Variants in BOLA3 observed in about 807,000 individuals in gnomAD.
The protein encoded by BOLA3 is bolA-like protein 3.
BOLA3 carries 8 observed loss-of-function variants against 14.5 expected under a neutral mutation model. The observed-to-expected ratio is 0.55, with a 90% CI of 0.32 to 0.99. BOLA3 has a LOEUF of 0.99. Among genes scored for constraint, BOLA3 ranks in the 50% least tolerant of loss-of-function variants. The probability of loss-of-function intolerance (pLI) is 0.04; values close to 1 mark genes in which losing one functional copy is unlikely to be tolerated. For synonymous variants in BOLA3, 42 were observed against 45.7 expected (o/e 0.92, Z 0.33); for missense variants, 115 against 138.2 (o/e 0.83, Z 0.84).
At chr2:74,142,190 C>T (rs779678474) in intron 3 of BOLA3, 82 bp downstream of exon 3, 47 of 1,026,338 alleles carry the variant, frequency 4.6e-5, no homozygotes, top group South Asian at 1.6e-4. Flanking sequence ...CTGCAACTGA[C>T]GGCAAAAACC....
At chr2:74,137,246 C>T (rs1692351967) in intron 3 of BOLA3, among the ~76,000 whole-genome samples, 1 of 152,190 alleles carries the variant, frequency 6.6e-6, no homozygotes, top group Non-Finnish European at 1.5e-5. Flanking sequence ...TTAGAATCTC[C>T]CTTGGGATTT....
intron 1 of BOLA3, chr2:74,145,624 A>AT (rs1692529383): frequency 2.7e-6 from 1 of 377,072 alleles, no homozygotes; most frequent in Non-Finnish European, 5.1e-6. Context: ...CGATAGTTTT[A>AT]TAGGTAAGGA....
In BOLA3 at chr2:74,147,875, G is replaced by A. The variant is rs1432207338; in HGVS notation, c.-1C>T. ...CCGCGGCCGGGCTCCATGCAGCCAT[G>A]CCCGGCCGACGTGACCCGCCGCCCG... On this transcript the variant is annotated 5_prime_UTR_variant, in exon 1 of 4. Coordinates refer to ENST00000327428, the MANE Select transcript of BOLA3 (RefSeq NM_212552.3). 2.6e-6 allele frequency: 4 copies of A among 1,517,948 alleles called. No homozygotes were observed. The highest frequency in any genetic ancestry group is 1.4e-5 in the African/African-American group (1 of 70,602). 94.0% of individuals were successfully genotyped at this position (1,517,948 alleles called of 1,614,324 possible).
At chr2:74,136,818 G>A (rs1558819971) in intron 3 of BOLA3, among the ~76,000 whole-genome samples, 1 of 152,246 alleles carries the variant, frequency 6.6e-6, no homozygotes, top group East Asian at 1.9e-4. Flanking sequence ...ATTCCCCAAT[G>A]GTCAGAGCAG....
chr2:74,138,576 C>T (rs1692378277), intron 3 of BOLA3, among the ~76,000 whole-genome samples: 2 of 152,206 alleles, frequency 1.3e-5, no homozygotes, highest in Admixed American at 1.3e-4. Flanking sequence ...TCCCGTGATT[C>T]ACTGAGGTAG....
intron 3 of BOLA3, among the ~76,000 whole-genome samples, chr2:74,138,505 A>G (rs528113755): frequency 2.0e-5 from 3 of 152,326 alleles, no homozygotes; most frequent in African/African-American, 7.2e-5. Context: ...CCAGAGGTGG[A>G]GCAGGCAAGA....
chr2:74,145,073 C>A (rs1692519253), intron 2 of BOLA3, 116 bp downstream of exon 2: 1 of 725,888 alleles, frequency 1.4e-6, no homozygotes, highest in Non-Finnish European at 2.6e-6. Flanking sequence ...AGCAGCAACA[C>A]ATCTTGAGAA....
At chr2:74,143,098 A>G (rs891550346) in intron 2 of BOLA3, among the ~76,000 whole-genome samples, 7 of 152,144 alleles carry the variant, frequency 4.6e-5, no homozygotes, top group Non-Finnish European at 7.4e-5. Context: ...TGTCCCCTGC[A>G]TGATTTACAG....
At chr2:74,136,602 T>C (rs973207068) in intron 3 of BOLA3, among the ~76,000 whole-genome samples, 3 of 152,196 alleles carry the variant, frequency 2.0e-5, no homozygotes, top group African/African-American at 7.2e-5. Context: ...CCCCCAAACA[T>C]CTATCTTGGA....
At chr2:74,146,432 C>G in intron 1 of BOLA3, 1 of 152,436 alleles carries the variant, frequency 6.6e-6, no homozygotes. Flanking sequence ...GCCTTGAATG[C>G]CAGGCTAAAG....
chr2:74,145,177 G>C lies in BOLA3; in HGVS notation c.169+12C>G. 1 of 1,465,564 alleles carries C rather than the reference G, an allele frequency of 6.8e-7. No individual in the cohort carries two copies. Among genetic ancestry groups the C allele is most frequent in the Non-Finnish European group, 9.6e-7 (1 of 1,045,150 alleles). 90.8% of individuals were successfully genotyped at this position (1,465,564 alleles called of 1,614,324 possible). ...TATCCAAGCGCCGTAGGAAGAGTGA[G>C]AGAAACCTTACCTGAAATGTCAGTG... On this transcript the variant is annotated intron_variant, in intron 2 of 3. Transcript: ENST00000327428.
intron 3 of BOLA3, among the ~76,000 whole-genome samples, chr2:74,136,722 T>C (rs1692338827): frequency 6.6e-6 from 1 of 152,246 alleles, no homozygotes; most frequent in Admixed American, 6.5e-5. Flanking sequence ...TAGCGAACTT[T>C]TAGGCTGTTT....
At chr2:74,144,514 T>G (rs1188337420) in intron 2 of BOLA3, among the ~76,000 whole-genome samples, 1 of 151,492 alleles carries the variant, frequency 6.6e-6, no homozygotes, top group African/African-American at 2.4e-5. Context: ...CCGTTCTGTG[T>G]GTACGTGTGT....
intron 3 of BOLA3, among the ~76,000 whole-genome samples, chr2:74,139,925 G>A (rs1004186870): frequency 5.3e-5 from 8 of 152,012 alleles, no homozygotes; most frequent in African/African-American, 4.8e-5. Context: ...CAGGAGGATC[G>A]TCAAGGAGTT....
At chr2:74,137,043 G>C (rs1692345702) in intron 3 of BOLA3, among the ~76,000 whole-genome samples, 1 of 152,194 alleles carries the variant, frequency 6.6e-6, no homozygotes, top group Admixed American at 6.5e-5. Context: ...GCCAAAATCT[G>C]ATAATCATAC....
At chr2:74,147,455 C>T in intron 1 of BOLA3, 2 of 305,018 alleles carry the variant, frequency 6.6e-6, no homozygotes, top group South Asian at 3.5e-5. Flanking sequence ...GGCCCCGCTG[C>T]AGTCCCTCGC....
At chr2:74,140,291 A>G (rs1339095089) in intron 3 of BOLA3, among the ~76,000 whole-genome samples, 1 of 152,152 alleles carries the variant, frequency 6.6e-6, no homozygotes, top group African/African-American at 2.4e-5. Flanking sequence ...GGGAGGGAAA[A>G]AAAAGAAGTA....
Position 74,142,305 on chromosome 2 carries a change from C to T in BOLA3, c.225G>A (p.Lys75=). 1 of 1,613,972 alleles carries T rather than the reference C, an allele frequency of 6.2e-7. No individual in the cohort carries two copies. The highest frequency in any genetic ancestry group is 1.1e-5 in the South Asian group (1 of 91,080). Residue 75 remains lysine, a synonymous_variant, in exon 3 of 4, where the codon AAG becomes AAA. Coordinates refer to ENST00000327428, the MANE Select transcript of BOLA3 (RefSeq NM_212552.3). ...IKIESEEFKE[K]RTVQQHQMVN... ...CCATCTGGTGCTGCTGGACAGTTCT[C>T]TTCTCCTTAAATTCTTCTGATTCAA...
At chr2:74,143,044 TGA>T (rs1692475876) in intron 2 of BOLA3, among the ~76,000 whole-genome samples, 2 of 152,176 alleles carry the variant, frequency 1.3e-5, no homozygotes, top group Admixed American at 6.5e-5. Context: ...TGATGACTGA[TGA>T]TAAACACACA....
Sources: allele counts gnomAD v4.1 joint callset (sites outside exome capture counted in the v4.1 genomes callset), GRCh38; gene constraint gnomAD v4.1.1; transcripts MANE v1.5; gene names NCBI Gene and HGNC (gene_info 2026-07-23, HGNC 2026-07-21).